DPP10: variants seen among roughly 807,000 people sequenced by gnomAD.
DPP10 encodes the protein inactive dipeptidyl peptidase 10.
Under a neutral mutation model 120.9 loss-of-function variants are expected in DPP10, and 33 were observed. That is an observed-to-expected ratio of 0.27 (90% CI 0.21 to 0.37). DPP10 has a LOEUF of 0.37. DPP10 is among the 10% of genes least tolerant of loss of function. The pLI, the probability that DPP10 is intolerant of heterozygous loss-of-function variation, is 1.00. For missense variants in DPP10, 816 were observed against 942.8 expected, an observed-to-expected ratio of 0.87 and a Z score of 1.76; for synonymous variants, 337 against 326.1, an observed-to-expected ratio of 1.03 and a Z score of -0.36.
intron 5 of DPP10, among the ~76,000 whole-genome samples, chr2:115,598,602 G>A (rs2083129975): frequency 6.6e-6 from 1 of 151,696 alleles, no homozygotes; most frequent in African/African-American, 2.4e-5. Flanking sequence ...AATTACAGTT[G>A]CCATCTGAAT....
intron 1 of DPP10, among the ~76,000 whole-genome samples, chr2:115,122,767 G>A (rs1267365224): frequency 2.0e-5 from 3 of 152,140 alleles, no homozygotes; most frequent in South Asian, 4.1e-4. Context: ...AACATTACAC[G>A]GCCTTAGGCT....
At chr2:115,426,003 C>T (rs190466920) in intron 3 of DPP10, among the ~76,000 whole-genome samples, 91 of 152,346 alleles carry the variant, frequency 6.0e-4, no homozygotes, top group Non-Finnish European at 8.2e-4. Flanking sequence ...AGGGATCTGC[C>T]TCCATGACCC....
intron 1 of DPP10, among the ~76,000 whole-genome samples, chr2:115,254,279 A>G (rs2058878514): frequency 6.6e-6 from 1 of 152,162 alleles, no homozygotes; most frequent in African/African-American, 2.4e-5. Flanking sequence ...AAAGAGGGGA[A>G]AACCCCTTAT....
rs1683957775 is a variant in DPP10, at chr2:115,791,281, T to C, written c.1631-6T>C. The C allele has an allele frequency of 6.2e-7, 1 of 1,609,948 alleles. No homozygotes were observed. The highest frequency in any genetic ancestry group is 1.1e-5 in the South Asian group (1 of 89,820). On this transcript the variant is annotated splice_region_variant and splice_polypyrimidine_tract_variant and intron_variant, in intron 18 of 25. Coordinates refer to ENST00000410059, the MANE Select transcript of DPP10 (RefSeq NM_020868.6). Reference sequence around the variant, plus strand: ...CATCTTTAATATTTTGCTCTTTCTTTAAAAGAACTTCCTTTACAGTTGTCC... The same window carrying C: ...CATCTTTAATATTTTGCTCTTTCTTCAAAAGAACTTCCTTTACAGTTGTCC...
chr2:115,246,856 C>T (rs2058558441), intron 1 of DPP10, among the ~76,000 whole-genome samples: 1 of 152,076 alleles, frequency 6.6e-6, no homozygotes, highest in Non-Finnish European at 1.5e-5. Flanking sequence ...TGAAGAAAAT[C>T]AAATGACGTG....
chr2:115,662,451 A>G (rs1192501330), intron 5 of DPP10, among the ~76,000 whole-genome samples: 3 of 150,910 alleles, frequency 2.0e-5, no homozygotes, highest in African/African-American at 7.3e-5. Flanking sequence ...TTTTTTAGCA[A>G]CTTCTGTATT....
At chr2:115,399,757 A>G (rs2067931155) in intron 3 of DPP10, among the ~76,000 whole-genome samples, 1 of 152,186 alleles carries the variant, frequency 6.6e-6, no homozygotes, top group South Asian at 2.1e-4. Context: ...CAAGTATTTT[A>G]TAAAAATTCT....
At chr2:114,866,967 G>A (rs1690289319) in intron 1 of DPP10, among the ~76,000 whole-genome samples, 1 of 152,128 alleles carries the variant, frequency 6.6e-6, no homozygotes. Context: ...CCAGGTTAGG[G>A]GAGGTTGTCA....
chr2:115,777,959 T>G, intron 15 of DPP10, 125 bp downstream of exon 15: 1 of 877,584 alleles, frequency 1.1e-6, no homozygotes, highest in Non-Finnish European at 1.8e-6. Context: ...CCAACTTTGC[T>G]GACAAAGCTT....
chr2:115,442,474 A>AT (rs1289003669), intron 3 of DPP10, among the ~76,000 whole-genome samples: 1 of 151,962 alleles, frequency 6.6e-6, no homozygotes, highest in African/African-American at 2.4e-5. Flanking sequence ...GATCAAGAAG[A>AT]TTTTATTAAC....
intron 1 of DPP10, among the ~76,000 whole-genome samples, chr2:115,028,353 T>C (rs1209841750): frequency 6.6e-6 from 1 of 152,122 alleles, no homozygotes; most frequent in Non-Finnish European, 1.5e-5. Flanking sequence ...GACCCATTGA[T>C]CATTTAGGAA....
At chr2:115,533,002 A>G (rs1172587211) in intron 5 of DPP10, among the ~76,000 whole-genome samples, 1 of 152,072 alleles carries the variant, frequency 6.6e-6, no homozygotes, top group Non-Finnish European at 1.5e-5. Context: ...TTTTAAGGAC[A>G]AACATGAAGT....
At chr2:115,764,126 AT>A (rs564197951) in intron 12 of DPP10, among the ~76,000 whole-genome samples, 13,399 of 148,892 alleles carry the variant, frequency 0.09, 708 homozygotes, top group Non-Finnish European at 0.12. Context: ...TATTGCTATG[AT>A]TTTTTTTTTT....
At chr2:115,343,745 A>C in intron 2 of DPP10, 72 bp from the exon 3 acceptor site, 1 of 1,034,354 alleles carries the variant, frequency 9.7e-7, no homozygotes, top group Non-Finnish European at 1.4e-6. Flanking sequence ...AAATATTCCA[A>C]ATTTTGTAAT....
In DPP10 at chr2:114,660,475, C is replaced by T. The variant is rs188402363; in HGVS notation, c.60+217637C>T. Among the ~76,000 whole-genome samples, 31 of 152,152 alleles carry T rather than the reference C, an allele frequency of 2.0e-4. No individual in the cohort carries two copies. In the East Asian group the frequency reaches 6.0e-3, roughly 30 times the overall value. On this transcript the variant is annotated intron_variant, in intron 1 of 25. Coordinates refer to ENST00000410059, the MANE Select transcript of DPP10 (RefSeq NM_020868.6). ...CCAGGTGCCCTGATTAGATCTTGGA[C>T]ATATAATACTAGAAAGACTCACTCA...
chr2:115,578,649 A>G (rs2081830851), intron 5 of DPP10, among the ~76,000 whole-genome samples: 1 of 152,226 alleles, frequency 6.6e-6, no homozygotes, highest in African/African-American at 2.4e-5. Flanking sequence ...TTGCATACTC[A>G]GAACCATGAT....
chr2:114,572,035 A>G (rs1231674993), intron 1 of DPP10, among the ~76,000 whole-genome samples: 1 of 150,426 alleles, frequency 6.6e-6, no homozygotes, highest in African/African-American at 2.4e-5. Context: ...TAGTACATAT[A>G]TAATATATAC....
At chr2:115,780,775 G>A (rs1231880948) in intron 15 of DPP10, 99 bp from the exon 16 acceptor site, 3 of 1,161,768 alleles carry the variant, frequency 2.6e-6, no homozygotes, top group African/African-American at 1.6e-5. Flanking sequence ...AAGCACCGAT[G>A]TAACTCCCTT....
chr2:115,340,460 A>C (rs2106239480), intron 2 of DPP10, among the ~76,000 whole-genome samples: 1 of 152,106 alleles, frequency 6.6e-6, no homozygotes, highest in East Asian at 1.9e-4. Context: ...AAATGTTTAA[A>C]ATTTTCCAGT....
Sources: gnomAD v4.1 joint callset for allele counts (sites outside exome capture counted in the v4.1 genomes callset) on GRCh38, gnomAD v4.1.1 for gene constraint, MANE v1.5 for transcripts, NCBI Gene and HGNC (gene_info 2026-07-23, HGNC 2026-07-21) for gene names.